Variants in LAPTM4B observed in about 807,000 individuals in gnomAD.
LAPTM4B encodes lysosomal-associated transmembrane protein 4B.
LAPTM4B carries 26 observed loss-of-function variants against 28.5 expected under a neutral mutation model. The observed-to-expected ratio is 0.91, with a 90% CI of 0.67 to 1.27. The LOEUF is 1.27. Ranked by LOEUF, LAPTM4B falls within the 50% of genes most tolerant of loss-of-function variation. The pLI is 0.00. For missense variants in LAPTM4B, 288 were observed against 285.8 expected (o/e 1.01, Z -0.06); for synonymous variants, 109 against 106.4 (o/e 1.02, Z -0.15).
At chr8:97,816,990 A>G (rs1422132161) in intron 4 of LAPTM4B, among the ~76,000 whole-genome samples, 1 of 152,142 alleles carries the variant, frequency 6.6e-6, no homozygotes, top group East Asian at 1.9e-4. Flanking sequence ...ACACTGCTGT[A>G]TACTAGCTCC....
rs774225859 is a variant in LAPTM4B at position 97,776,065 on chromosome 8, G to A, written c.56G>A (p.Cys19Tyr). Residue 19 changes from cysteine to tyrosine, a missense_variant, in exon 1 of 7, where the codon TGC becomes TAC. Physicochemically the swap from Cys to Tyr is radical, Grantham distance 194. Transcript: ENST00000521545. Reference sequence around the variant, plus strand: ...TACTCCAACAGCTGCTGCTTGTGCTGCCATGTCCGCACCGGCACCATCCTG... The same window carrying A: ...TACTCCAACAGCTGCTGCTTGTGCTACCATGTCCGCACCGGCACCATCCTG... ...RFYSNSCCLC[C>Y]HVRTGTILLG... 12 of 1,588,118 alleles carry A rather than the reference G, an allele frequency of 7.6e-6. No homozygotes were observed. Among genetic ancestry groups the A allele is most frequent in the South Asian group, 6.7e-5 (6 of 90,062 alleles).
intron 6 of LAPTM4B, among the ~76,000 whole-genome samples, chr8:97,838,234 G>GGT (rs1817291227): frequency 6.6e-6 from 1 of 152,100 alleles, no homozygotes; most frequent in Non-Finnish European, 1.5e-5. Flanking sequence ...TGCAGGGTAG[G>GGT]GTAACACCTT....
At chr8:97,840,459 C>T (rs1446806416) in intron 6 of LAPTM4B, among the ~76,000 whole-genome samples, 2 of 152,014 alleles carry the variant, frequency 1.3e-5, no homozygotes, top group African/African-American at 4.8e-5. Context: ...TCTTGTTTGC[C>T]TTTGGAAACA....
At chr8:97,802,594 G>A (rs569845472) in intron 1 of LAPTM4B, among the ~76,000 whole-genome samples, 2 of 152,112 alleles carry the variant, frequency 1.3e-5, no homozygotes, top group African/African-American at 2.4e-5. Flanking sequence ...ACCTTGCACC[G>A]ACCTCCTATC....
chr8:97,779,127 G>A (rs1357141406), intron 1 of LAPTM4B, among the ~76,000 whole-genome samples: 1 of 152,116 alleles, frequency 6.6e-6, no homozygotes, highest in Non-Finnish European at 1.5e-5. Flanking sequence ...GGAGTTCGAA[G>A]CTGCAGTGAG....
In LAPTM4B at chr8:97,781,168, A is replaced by G. The variant is rs191513220; in HGVS notation, c.99+5060A>G. Among the ~76,000 whole-genome samples the G allele has an allele frequency of 6.1e-3, 906 of 147,370 alleles. 10 individuals are homozygous for G. The highest frequency in any genetic ancestry group is 0.021 in the African/African-American group (836 of 39,888). On this transcript the variant is annotated intron_variant, in intron 1 of 6. Transcript: ENST00000521545. ...GCTAATTTTTGTATTTTTAGTAGAG[A>G]TGGGGTTTCCCCATGTTGTTCAGGC... is the stretch of plus-strand genomic sequence containing the variant.
rs780379022 is a variant in LAPTM4B, at chr8:97,776,041, A to T, written c.32A>T (p.Tyr11Phe). 1 of 1,586,080 alleles carries T rather than the reference A, an allele frequency of 6.3e-7. No homozygotes were observed. The highest frequency in any genetic ancestry group is 1.4e-5 in the African/African-American group (1 of 71,362). Residue 11 changes from tyrosine (Y) to phenylalanine (F), a missense_variant, in exon 1 of 7, where the codon TAC becomes TTC. Transcript: ENST00000521545. ...ATGGTCGCGCCCTGGACGCGGTTCT[A>T]CTCCAACAGCTGCTGCTTGTGCTGC... MKMVAPWTRF[Y>F]SNSCCLCCHV...
intron 6 of LAPTM4B, among the ~76,000 whole-genome samples, chr8:97,846,251 A>G (rs1817432160): frequency 6.6e-6 from 1 of 152,052 alleles, no homozygotes; most frequent in Non-Finnish European, 1.5e-5. Context: ...AATGCTAGCA[A>G]CAGTAGAATT....
chr8:97,797,529 G>A (rs115133017), intron 1 of LAPTM4B, among the ~76,000 whole-genome samples: 1 of 152,160 alleles, frequency 6.6e-6, no homozygotes, highest in Non-Finnish European at 1.5e-5. Flanking sequence ...TTTAATGCTT[G>A]TATAGGATTC....
chr8:97,840,898 A>C (rs1159670248), intron 6 of LAPTM4B, among the ~76,000 whole-genome samples: 1 of 148,136 alleles, frequency 6.8e-6, no homozygotes, highest in Admixed American at 6.7e-5. Context: ...GGCGCTTCTC[A>C]CATCCCAGAT....
intron 1 of LAPTM4B, among the ~76,000 whole-genome samples, chr8:97,792,984 C>A (rs537297038): frequency 6.6e-6 from 1 of 151,924 alleles, no homozygotes; most frequent in Non-Finnish European, 1.5e-5. Flanking sequence ...ATAGTGTCAC[C>A]TCAGAAATCA....
intron 6 of LAPTM4B, among the ~76,000 whole-genome samples, chr8:97,837,542 T>A (rs1463307896): frequency 6.6e-6 from 1 of 152,092 alleles, no homozygotes; most frequent in Non-Finnish European, 1.5e-5. Context: ...GCATAATGAG[T>A]TCTGTTTTTT....
chr8:97,850,165 G>A (rs775632154), intron 6 of LAPTM4B, among the ~76,000 whole-genome samples: 8 of 151,868 alleles, frequency 5.3e-5, no homozygotes, highest in African/African-American at 1.7e-4. Context: ...GTCAGTTCCC[G>A]GTTCCTCAGT....
intron 1 of LAPTM4B, among the ~76,000 whole-genome samples, chr8:97,791,791 A>G (rs1816502095): frequency 1.3e-5 from 2 of 152,300 alleles, no homozygotes; most frequent in South Asian, 4.1e-4. Context: ...TTTTATGAAC[A>G]TGGTATGTGC....
At position 97,817,595 on chromosome 8, in the gene LAPTM4B, C is replaced by T. The variant is rs147189422; in HGVS notation, c.408+1415C>T. On this transcript the variant is annotated intron_variant, in intron 4 of 6. Coordinates refer to ENST00000521545, the MANE Select transcript of LAPTM4B (RefSeq NM_018407.6). ...TCCTGAGTAGCTGGGATTACAGGCA[C>T]CCGCTACCAAGCCTGGCTAATTTTT... 6.1e-3 allele frequency among the ~76,000 whole-genome samples: 918 copies of T among 151,624 alleles called. 7 individuals carry two copies. The highest frequency in any genetic ancestry group is 0.021 in the African/African-American group (864 of 41,326).
At chr8:97,782,428 A>C (rs1816336224) in intron 1 of LAPTM4B, among the ~76,000 whole-genome samples, 2 of 146,356 alleles carry the variant, frequency 1.4e-5, no homozygotes, top group African/African-American at 2.5e-5. Context: ...TCACACCACC[A>C]CTCCACACCA....
At chr8:97,818,344 T>C (rs1816953846) in intron 4 of LAPTM4B, among the ~76,000 whole-genome samples, 1 of 121,552 alleles carries the variant, frequency 8.2e-6, no homozygotes, top group East Asian at 2.8e-4. Flanking sequence ...AAACACATAG[T>C]GTTGAATGGT....
At chr8:97,821,391 G>A (rs965352475) in intron 5 of LAPTM4B, among the ~76,000 whole-genome samples, 18 of 152,164 alleles carry the variant, frequency 1.2e-4, no homozygotes, top group Middle Eastern at 3.4e-3. Flanking sequence ...TGTGAAGTCC[G>A]GCGGAGTCAG....
intron 6 of LAPTM4B, among the ~76,000 whole-genome samples, chr8:97,849,007 C>A (rs934397681): frequency 1.3e-5 from 2 of 152,214 alleles, no homozygotes; most frequent in African/African-American, 2.4e-5. Flanking sequence ...TAGAACTTGT[C>A]AAGGTCGACC....
Sources: gnomAD v4.1 joint callset for allele counts (sites outside exome capture counted in the v4.1 genomes callset) on GRCh38, gnomAD v4.1.1 for gene constraint, MANE v1.5 for transcripts, NCBI Gene and HGNC (gene_info 2026-07-23, HGNC 2026-07-21) for gene names.